Variants in SPAG16 observed in about 807,000 individuals in gnomAD.
The protein encoded by SPAG16 is sperm-associated antigen 16 protein.
In SPAG16, 86 loss-of-function variants were observed where a neutral mutation model predicts 80.4. The ratio of observed to expected loss-of-function variants is 1.07; its 90% CI spans 0.90 to 1.28. The LOEUF (loss-of-function observed/expected upper bound fraction) is 1.28. Ranked by LOEUF, SPAG16 falls within the 50% of genes most tolerant of loss-of-function variation. The pLI, the probability that SPAG16 is intolerant of heterozygous loss-of-function variation, is 0.00. For synonymous variants in SPAG16, 294 were observed against 265.9 expected (o/e 1.11, Z -1.03); for missense variants, 870 against 765.3 (o/e 1.14, Z -1.61).
At chr2:213,762,859 G>A (rs2125526812) in intron 10 of SPAG16, among the ~76,000 whole-genome samples, 1 of 152,274 alleles carries the variant, frequency 6.6e-6, no homozygotes, top group East Asian at 1.9e-4. Flanking sequence ...CCACGGAATG[G>A]GGGAAAGTAT....
chr2:214,059,324 G>GAA (rs1362983981), intron 13 of SPAG16, among the ~76,000 whole-genome samples: 5 of 147,962 alleles, frequency 3.4e-5, no homozygotes, highest in Non-Finnish European at 5.9e-5. Flanking sequence ...CTGAATGGTT[G>GAA]TCTTTTTTTT....
intron 9 of SPAG16, among the ~76,000 whole-genome samples, chr2:213,485,598 A>G (rs2073942248): frequency 6.6e-6 from 1 of 151,788 alleles, no homozygotes; most frequent in African/African-American, 2.4e-5. Context: ...CAGGACTGTG[A>G]ATCCTTGGAG....
chr2:214,304,619 G>T (rs13382294), intron 15 of SPAG16, among the ~76,000 whole-genome samples: 9 of 152,236 alleles, frequency 5.9e-5, no homozygotes, highest in East Asian at 5.8e-4. Flanking sequence ...TGAGACCCCT[G>T]ATTTTCCACT....
intron 13 of SPAG16, among the ~76,000 whole-genome samples, chr2:214,052,957 GT>G (rs769299609): frequency 1.5e-4 from 23 of 152,164 alleles, no homozygotes; most frequent in Middle Eastern, 3.2e-3. Context: ...AAATGACAGA[GT>G]TTTTTCTGCC....
chr2:213,969,434 AAC>A (rs1224165430), intron 12 of SPAG16, among the ~76,000 whole-genome samples: 1 of 152,212 alleles, frequency 6.6e-6, no homozygotes, highest in Non-Finnish European at 1.5e-5. Context: ...CCCAAATATC[AAC>A]AGTGTTAAGA....
chr2:213,528,105 A>G (rs533476682), intron 10 of SPAG16, among the ~76,000 whole-genome samples: 8 of 152,196 alleles, frequency 5.3e-5, no homozygotes, highest in Non-Finnish European at 8.8e-5. Flanking sequence ...TGAAGCTTAT[A>G]TGGGATTTTA....
At chr2:213,291,484 C>G (rs1279809911) in intron 1 of SPAG16, among the ~76,000 whole-genome samples, 1 of 152,072 alleles carries the variant, frequency 6.6e-6, no homozygotes, top group Non-Finnish European at 1.5e-5. Flanking sequence ...TTGTTTTGTC[C>G]ACTACCTGAC....
chr2:213,468,377 A>G (rs77916724), intron 9 of SPAG16, among the ~76,000 whole-genome samples: 1 of 144,422 alleles, frequency 6.9e-6, no homozygotes, highest in Non-Finnish European at 1.5e-5. Context: ...ATCTCTCTCT[A>G]TATATATAGA....
intron 5 of SPAG16, among the ~76,000 whole-genome samples, chr2:213,326,700 A>G (rs1463081142): frequency 1.3e-5 from 2 of 152,042 alleles, no homozygotes; most frequent in Non-Finnish European, 2.9e-5. Flanking sequence ...TCATGTGAGA[A>G]AAATATATGA....
chr2:213,914,213 G>T (rs2077839673), intron 11 of SPAG16, among the ~76,000 whole-genome samples: 1 of 151,918 alleles, frequency 6.6e-6, no homozygotes, highest in Admixed American at 6.6e-5. Context: ...AAATCTTAAA[G>T]ATATTTATTA....
intron 10 of SPAG16, among the ~76,000 whole-genome samples, chr2:213,815,746 T>C (rs1422344547): frequency 1.3e-5 from 2 of 152,146 alleles, no homozygotes; most frequent in African/African-American, 2.4e-5. Flanking sequence ...GAAATGTTTT[T>C]TAAAATATTA....
At chr2:213,619,445 G>A (rs1386180091) in intron 10 of SPAG16, among the ~76,000 whole-genome samples, 4 of 151,964 alleles carry the variant, frequency 2.6e-5, no homozygotes, top group African/African-American at 9.7e-5. Context: ...ACTATATAAG[G>A]AATTCAAACA....
chr2:213,646,150 A>AGTCACGTGGCCCCCCCAGTC (rs2062815972), intron 10 of SPAG16, among the ~76,000 whole-genome samples: 1 of 152,146 alleles, frequency 6.6e-6, no homozygotes, highest in Admixed American at 6.5e-5. Context: ...TCATGATTCA[A>AGTCACGTGGCCCCCCCAGTC]AACTGTTTTT....
At position 213,881,749 on chromosome 2, in the gene SPAG16, T is replaced by G. The variant is rs539935616; in HGVS notation, c.1214+19121T>G. ...ATGATTCAATTATCTCCACCTGATCTCTTCCTTGACACATGGGGATTATGG... is the reference window on the plus strand; with the variant it reads ...ATGATTCAATTATCTCCACCTGATCGCTTCCTTGACACATGGGGATTATGG... On this transcript the variant is annotated intron_variant, in intron 11 of 15. Transcript: ENST00000331683. Among the ~76,000 whole-genome samples, 9 of 152,340 alleles carry G rather than the reference T, an allele frequency of 5.9e-5. No individual in the cohort carries two copies. In the South Asian group the frequency reaches 1.7e-3, roughly 28 times the overall value.
chr2:214,109,936 G>A (rs755249634), intron 14 of SPAG16, among the ~76,000 whole-genome samples: 3 of 152,108 alleles, frequency 2.0e-5, no homozygotes, highest in South Asian at 4.1e-4. Flanking sequence ...ATAATATTTT[G>A]TAAATCAGGC....
chr2:214,280,589 T>A (rs1001784556), intron 15 of SPAG16: 16 of 214,526 alleles, frequency 7.5e-5, no homozygotes, highest in Non-Finnish European at 1.4e-4. Context: ...TCGTTTTTTT[T>A]AAATTTATCG....
At chr2:213,485,118 C>T (rs554488248) in intron 9 of SPAG16, among the ~76,000 whole-genome samples, 2 of 151,542 alleles carry the variant, frequency 1.3e-5, no homozygotes, top group Non-Finnish European at 1.5e-5. Flanking sequence ...CCTCAGCCCC[C>T]CAAGTAGCTG....
At chr2:213,980,641 A>ATATATAGAATATATGTATATG (rs1361885069) in intron 12 of SPAG16, among the ~76,000 whole-genome samples, 1 of 145,074 alleles carries the variant, frequency 6.9e-6, no homozygotes, top group African/African-American at 2.5e-5. Context: ...ATGTGTGTAT[A>ATATATAGAATATATGTATATG]TATATAGAAT....
chr2:214,015,554 TG>T (rs1389566709), intron 13 of SPAG16, among the ~76,000 whole-genome samples: 3 of 150,070 alleles, frequency 2.0e-5, no homozygotes, highest in African/African-American at 7.4e-5. Context: ...GCCGAAATCA[TG>T]CCATTGCACT....
Sources: gnomAD v4.1 joint callset for allele counts (sites outside exome capture counted in the v4.1 genomes callset) on GRCh38, gnomAD v4.1.1 for gene constraint, MANE v1.5 for transcripts, NCBI Gene and HGNC (gene_info 2026-07-23, HGNC 2026-07-21) for gene names.